Variants in NEDD9 observed in about 807,000 individuals in gnomAD.
NEDD9 encodes enhancer of filamentation 1.
Under a neutral mutation model 76.6 loss-of-function variants are expected in NEDD9, and 26 were observed. That is an observed-to-expected ratio of 0.34 (90% CI 0.25 to 0.47). NEDD9 has a LOEUF of 0.47. Among genes scored for constraint, NEDD9 ranks in the 20% least tolerant of loss-of-function variants. The pLI is 1.00. For synonymous variants in NEDD9, 392 were observed against 414.2 expected, an observed-to-expected ratio of 0.95 and a Z score of 0.65; for missense variants, 937 against 1,058.5, an observed-to-expected ratio of 0.89 and a Z score of 1.59.
intron 2 of NEDD9, among the ~76,000 whole-genome samples, chr6:11,210,388 A>C (rs1271038985): frequency 6.6e-6 from 1 of 152,186 alleles, no homozygotes; most frequent in Non-Finnish European, 1.5e-5. Context: ...GCTTTTAAAG[A>C]CCATAGCTTA....
chr6:11,314,462 G>A (rs1298306103), intron 2 of NEDD9, among the ~76,000 whole-genome samples: 3 of 152,154 alleles, frequency 2.0e-5, no homozygotes, highest in Non-Finnish European at 2.9e-5. Flanking sequence ...GACCAAGCAT[G>A]GGTAAAAATG....
chr6:11,190,640 A>G lies in NEDD9; in HGVS notation c.1229T>C (p.Ile410Thr), dbSNP rs1412100858. ...CTGCTGGAGCCGCTGAAGTCTCTCA[A>G]TAGCTGTGTCTGGATCCAGGAAGAG... Reference protein sequence around the residue: ...KRLFLDPDTAIERLQRLQQAL... With the variant: ...KRLFLDPDTATERLQRLQQAL... Residue 410 changes from isoleucine (I) to threonine (T), a missense_variant, in exon 5 of 7, where the codon ATT becomes ACT. Coordinates refer to ENST00000379446, the MANE Select transcript of NEDD9 (RefSeq NM_006403.4). The surrounding 1 kb of genome is among the most constrained non-coding windows in gnomAD (Gnocchi z 5.8). 5 of 1,614,044 alleles carry G rather than the reference A, an allele frequency of 3.1e-6. No homozygotes were observed. The highest frequency in any genetic ancestry group is 2.7e-5 in the African/African-American group (2 of 74,918).
At chr6:11,193,503 A>G in intron 3 of NEDD9, 88 bp downstream of exon 3, 1 of 971,052 alleles carries the variant, frequency 1.0e-6, no homozygotes, top group Admixed American at 2.2e-5. Context: ...ATTAATGCAT[A>G]ATTTGTGAAC....
intron 1 of NEDD9, among the ~76,000 whole-genome samples, chr6:11,350,848 A>AG (rs35741318): frequency 1.3e-5 from 2 of 152,150 alleles, no homozygotes; most frequent in African/African-American, 4.8e-5. Flanking sequence ...GGCTCATGTC[A>AG]GGGAGTGTCA....
chr6:11,358,566 G>C (rs754858579), intron 1 of NEDD9, among the ~76,000 whole-genome samples: 13 of 152,370 alleles, frequency 8.5e-5, no homozygotes, highest in Admixed American at 2.0e-4. Context: ...GAAGAGTCAA[G>C]TCACCCTAGA....
At position 11,370,661 on chromosome 6, in the gene NEDD9, C is replaced by G. The variant is rs986450791; in HGVS notation, c.-214+11478G>C. ...GAGCTTCTTTCCCTGCCTGGTAGCA[C>G]CCGTCCCTCACGCTCACTGGATGAT... is the stretch of plus-strand genomic sequence containing the variant. On this transcript the variant is annotated intron_variant, in intron 1 of 3. Transcript: ENST00000397378. This position sits in a 1 kb window ranked among gnomAD's most constrained non-coding sequence, Gnocchi z 4.2. 2.0e-5 allele frequency among the ~76,000 whole-genome samples: 3 copies of G among 152,232 alleles called. No individual in the cohort carries two copies. The highest frequency in any genetic ancestry group is 4.4e-5 in the Non-Finnish European group (3 of 68,048).
chr6:11,328,118 A>T (rs1202501236), intron 2 of NEDD9, among the ~76,000 whole-genome samples: 1 of 152,212 alleles, frequency 6.6e-6, no homozygotes, highest in African/African-American at 2.4e-5. Flanking sequence ...TGTGGCAATA[A>T]GCTTGCAATG....
intron 2 of NEDD9, among the ~76,000 whole-genome samples, chr6:11,310,856 C>A (rs1318890235): frequency 2.0e-5 from 3 of 152,208 alleles, no homozygotes; most frequent in Non-Finnish European, 4.4e-5. Flanking sequence ...CTGAAATGAA[C>A]TTCCTCAACT....
chr6:11,319,921 A>G (rs1039019620), intron 2 of NEDD9, among the ~76,000 whole-genome samples: 1 of 151,710 alleles, frequency 6.6e-6, no homozygotes, highest in Non-Finnish European at 1.5e-5. Flanking sequence ...GAATTTGGTC[A>G]CTATGAGCTT....
At chr6:11,301,531 C>T (rs563965281) in intron 3 of NEDD9, among the ~76,000 whole-genome samples, 1 of 152,350 alleles carries the variant, frequency 6.6e-6, no homozygotes, top group South Asian at 2.1e-4. Context: ...TAGACATCTA[C>T]AGAACTCTCC....
intron 3 of NEDD9, among the ~76,000 whole-genome samples, chr6:11,265,774 G>A (rs1344440061): frequency 1.3e-5 from 2 of 152,096 alleles, no homozygotes; most frequent in Admixed American, 6.5e-5. Flanking sequence ...AAGGATATGT[G>A]ATAAACTTAA....
intron 2 of NEDD9, among the ~76,000 whole-genome samples, chr6:11,323,022 T>G (rs890060187): frequency 6.6e-6 from 1 of 151,128 alleles, no homozygotes; most frequent in South Asian, 2.1e-4. Flanking sequence ...AGATACGCTG[T>G]TATGTTATAG....
At chr6:11,352,053 CAAGT>C (rs1483450913) in intron 1 of NEDD9, 1 of 152,268 alleles carries the variant, frequency 6.6e-6, no homozygotes, top group Non-Finnish European at 1.5e-5. Context: ...CGTGTGTGTT[CAAGT>C]GGGGCCCAGA....
At chr6:11,309,977 A>G (rs1462654769) in intron 2 of NEDD9, among the ~76,000 whole-genome samples, 1 of 152,196 alleles carries the variant, frequency 6.6e-6, no homozygotes, top group Non-Finnish European at 1.5e-5. Context: ...GTAACAGAGA[A>G]ATGAGCTGAC....
chr6:11,223,901 TAAGGGAG>T (rs1187670038), intron 1 of NEDD9, among the ~76,000 whole-genome samples: 1 of 152,188 alleles, frequency 6.6e-6, no homozygotes, highest in Non-Finnish European at 1.5e-5. Context: ...AAGGCTGCTG[TAAGGGAG>T]ATGGGATAAT....
chr6:11,316,503 T>C (rs1429676329), intron 2 of NEDD9, among the ~76,000 whole-genome samples: 1 of 152,224 alleles, frequency 6.6e-6, no homozygotes, highest in Admixed American at 6.5e-5. Context: ...GCCTCTGTCT[T>C]AGCTCACAGT....
rs570500826 is a variant in NEDD9, at chr6:11,210,355, C to A, written c.459+2926G>T. On this transcript the variant is annotated intron_variant, in intron 2 of 6. Coordinates refer to ENST00000379446, the MANE Select transcript of NEDD9 (RefSeq NM_006403.4). The stretch of plus-strand genomic sequence containing the variant: ...GGTGGCTCAGAATAAGATTCCACTG[C>A]CTCCTTATTTTCTTATTCAAGAGCT... 6.6e-5 allele frequency among the ~76,000 whole-genome samples: 10 copies of A among 152,302 alleles called. 1 individual carries two copies. The highest frequency in any genetic ancestry group is 2.4e-4 in the African/African-American group (10 of 41,580).
intron 1 of NEDD9, among the ~76,000 whole-genome samples, chr6:11,351,278 G>A (rs917050289): frequency 2.6e-5 from 4 of 152,164 alleles, no homozygotes; most frequent in African/African-American, 9.7e-5. Flanking sequence ...GAACTGCCAG[G>A]AGTCCCCAGG....
chr6:11,200,599 C>T (rs1758418760), intron 2 of NEDD9: 1 of 1,090,234 alleles, frequency 9.2e-7, no homozygotes, highest in Admixed American at 4.8e-5. Flanking sequence ...AGGATCAAAT[C>T]ATGGGAGAAA....
Sources: allele counts gnomAD v4.1 joint callset (sites outside exome capture counted in the v4.1 genomes callset), GRCh38; gene constraint gnomAD v4.1.1; non-coding constraint Gnocchi (gnomAD v3.1); transcripts MANE v1.5; gene names NCBI Gene and HGNC (gene_info 2026-07-23, HGNC 2026-07-21).